SLC24A2: variants seen among roughly 807,000 people sequenced by gnomAD.
SLC24A2 encodes sodium/potassium/calcium exchanger 2.
Under a neutral mutation model 62.0 loss-of-function variants are expected in SLC24A2, and 36 were observed. That is an observed-to-expected ratio of 0.58 (90% CI 0.44 to 0.77). The LOEUF is 0.77. Among genes scored for constraint, SLC24A2 ranks in the 30% least tolerant of loss-of-function variants. SLC24A2 has a pLI of 0.00. For missense variants in SLC24A2, 846 were observed against 817.9 expected, an observed-to-expected ratio of 1.03 and a Z score of -0.42; for synonymous variants, 358 against 294.0, an observed-to-expected ratio of 1.22 and a Z score of -2.23.
At chr9:19,934,057 C>G in the SLC24A2 span, among the ~76,000 whole-genome samples, 1 of 152,190 alleles carries the variant, frequency 6.6e-6, no homozygotes, top group African/African-American at 2.4e-5. This position sits in a 1 kb window ranked among gnomAD's most constrained non-coding sequence, Gnocchi z 4.1. Flanking sequence ...GTGATGGCTA[C>G]TCAACCTCCT....
the SLC24A2 span, among the ~76,000 whole-genome samples, chr9:20,229,571 G>A: frequency 1.3e-5 from 2 of 152,038 alleles, no homozygotes; most frequent in Non-Finnish European, 2.9e-5. Flanking sequence ...GATACAAAAA[G>A]TAACATTACT....
At chr9:20,163,245 C>G in the SLC24A2 span, among the ~76,000 whole-genome samples, 1 of 152,116 alleles carries the variant, frequency 6.6e-6, no homozygotes, top group African/African-American at 2.4e-5. Flanking sequence ...TCGTCTCAGT[C>G]CAAAATCTCC....
the SLC24A2 span, among the ~76,000 whole-genome samples, chr9:19,808,112 G>A: frequency 1.2e-4 from 18 of 152,060 alleles, no homozygotes; most frequent in African/African-American, 4.3e-4. This position sits in a 1 kb window ranked among gnomAD's most constrained non-coding sequence, Gnocchi z 4.1. Context: ...AATCTTTTTG[G>A]GTTCTTTCTG....
the SLC24A2 span, among the ~76,000 whole-genome samples, chr9:20,115,417 G>T: frequency 3.3e-5 from 5 of 152,116 alleles, no homozygotes; most frequent in African/African-American, 9.7e-5. Flanking sequence ...TCCTGTGCTT[G>T]TGGGGAGAAA....
the SLC24A2 span, among the ~76,000 whole-genome samples, chr9:20,077,887 C>T: frequency 1.3e-5 from 2 of 152,242 alleles, no homozygotes; most frequent in African/African-American, 2.4e-5. Flanking sequence ...ATCTGTAAAA[C>T]ATCCCTTCCC....
intron 7 of SLC24A2, among the ~76,000 whole-genome samples, chr9:19,567,011 T>A (rs192717542): frequency 1.3e-5 from 2 of 150,724 alleles, no homozygotes; most frequent in Non-Finnish European, 2.9e-5. Flanking sequence ...CTAATGTAAA[T>A]GGCGAGTTAA....
the SLC24A2 span, among the ~76,000 whole-genome samples, chr9:19,815,959 C>CTTTTTTTTTTT: frequency 2.0e-4 from 21 of 103,404 alleles, no homozygotes; most frequent in Non-Finnish European, 3.0e-4. Context: ...TTTTTTGCCC[C>CTTTTTTTTTTT]TTTTTTTTTT....
chr9:19,990,701 T>G, the SLC24A2 span, among the ~76,000 whole-genome samples: 1 of 150,670 alleles, frequency 6.6e-6, no homozygotes, highest in Non-Finnish European at 1.5e-5. Context: ...TTCATATACC[T>G]TAAATTGCAT....
At chr9:19,738,892 G>A (rs1258619588) in intron 2 of SLC24A2, among the ~76,000 whole-genome samples, 2 of 152,150 alleles carry the variant, frequency 1.3e-5, no homozygotes, top group Non-Finnish European at 2.9e-5. Flanking sequence ...GCTGAGGCGG[G>A]CAGATCAAGA....
At chr9:19,566,230 A>G (rs1411396721) in intron 7 of SLC24A2, among the ~76,000 whole-genome samples, 2 of 150,492 alleles carry the variant, frequency 1.3e-5, no homozygotes, top group South Asian at 2.1e-4. Flanking sequence ...ACAAAGGGCT[A>G]ATATCCAGAA....
the SLC24A2 span, among the ~76,000 whole-genome samples, chr9:19,935,992 G>T: frequency 6.6e-6 from 1 of 152,116 alleles, no homozygotes; most frequent in East Asian, 1.9e-4. Context: ...TGAAACTTAA[G>T]GCTTTAATCA....
chr9:19,731,516 C>CGTGT (rs71496830), intron 2 of SLC24A2, among the ~76,000 whole-genome samples: 107 of 113,806 alleles, frequency 9.4e-4, no homozygotes, highest in African/African-American at 1.3e-3. Context: ...TCTCTCTCTC[C>CGTGT]GTGTGTGTGT....
In SLC24A2 at chr9:19,508,048, C is replaced by T. The variant is rs1447014069; in HGVS notation, c.*8105G>A. 3 of 152,228 alleles carry T rather than the reference C, an allele frequency of 2.0e-5. No homozygotes were observed. The highest frequency in any genetic ancestry group is 1.3e-4 in the Admixed American group (2 of 15,292). 9.4% of individuals were successfully genotyped at this position (152,228 alleles called of 1,614,324 possible). On this transcript the variant is annotated 3_prime_UTR_variant, in exon 11 of 11. Transcript: ENST00000341998. ...AGTATAATTTCTCTTGCTTTTAGTG[C>T]TAGCAGCAACTTCACTGAATCAGGA...
chr9:20,255,418 A>T, the SLC24A2 span, among the ~76,000 whole-genome samples: 2 of 152,324 alleles, frequency 1.3e-5, no homozygotes, highest in East Asian at 3.9e-4. Flanking sequence ...AGCGGCTTAA[A>T]ACACCAGTTC....
At chr9:20,234,983 G>A in the SLC24A2 span, among the ~76,000 whole-genome samples, 3 of 152,246 alleles carry the variant, frequency 2.0e-5, no homozygotes, top group African/African-American at 7.2e-5. Flanking sequence ...GAGTTTGCCA[G>A]AGATCCACTC....
chr9:20,087,936 G>A, the SLC24A2 span, among the ~76,000 whole-genome samples: 1 of 152,130 alleles, frequency 6.6e-6, no homozygotes, highest in African/African-American at 2.4e-5. Flanking sequence ...AGCGATCCGG[G>A]GACCCATGCT....
chr9:19,894,346 G>C, the SLC24A2 span, among the ~76,000 whole-genome samples: 1 of 152,188 alleles, frequency 6.6e-6, no homozygotes, highest in African/African-American at 2.4e-5. Context: ...GCTATAGGCT[G>C]TCTTAGATAT....
chr9:20,297,895 G>C, the SLC24A2 span, among the ~76,000 whole-genome samples: 1 of 152,142 alleles, frequency 6.6e-6, no homozygotes, highest in African/African-American at 2.4e-5. Flanking sequence ...CCTAGACTCT[G>C]AGCAATCTGT....
chr9:20,056,952 C>T, the SLC24A2 span, among the ~76,000 whole-genome samples: 2 of 152,208 alleles, frequency 1.3e-5, no homozygotes, highest in Non-Finnish European at 2.9e-5. Flanking sequence ...GAGATATTTT[C>T]CTTAACTCTT....
Sources: gnomAD v4.1 joint callset for allele counts (sites outside exome capture counted in the v4.1 genomes callset) on GRCh38, gnomAD v4.1.1 for gene constraint, Gnocchi (gnomAD v3.1) non-coding constraint, MANE v1.5 for transcripts, NCBI Gene and HGNC (gene_info 2026-07-23, HGNC 2026-07-21) for gene names.